Variants in CHLSN observed in about 807,000 individuals in gnomAD.
The protein encoded by CHLSN is cholesin.
the CHLSN span, among the ~76,000 whole-genome samples, chr7:1,110,812 TAAAA>T: frequency 1.5e-5 from 2 of 137,118 alleles, no homozygotes; most frequent in East Asian, 4.2e-4. Flanking sequence ...TAGAAGTGGT[TAAAA>T]AAAAAAAAGC....
chr7:1,133,392 C>CAAAAAA, the CHLSN span, among the ~76,000 whole-genome samples: 660 of 91,060 alleles, frequency 7.2e-3, 7 homozygotes, highest in African/African-American at 0.025. Context: ...CGATATACTG[C>CAAAAAA]AAAAAAAAAA....
At chr7:1,038,947 C>T in the CHLSN span, among the ~76,000 whole-genome samples, 850 of 70,250 alleles carry the variant, frequency 0.012, 119 homozygotes, top group African/African-American at 0.049. Context: ...TCTGCCCGGC[C>T]GCCCCTACTG....
At chr7:1,123,871 C>A in the CHLSN span, among the ~76,000 whole-genome samples, 1 of 146,836 alleles carries the variant, frequency 6.8e-6, no homozygotes, top group Non-Finnish European at 1.5e-5. The surrounding 1 kb of genome is among the most constrained non-coding windows in gnomAD (Gnocchi z 4.4). Context: ...GTGAACCGGG[C>A]TCCACCGAGA....
chr7:1,040,492 C>G, the CHLSN span, among the ~76,000 whole-genome samples: 2 of 152,004 alleles, frequency 1.3e-5, no homozygotes, highest in Non-Finnish European at 2.9e-5. Context: ...GAGACCCTGT[C>G]TCAAAAACAA....
chr7:1,116,265 G>T, the CHLSN span, among the ~76,000 whole-genome samples: 7 of 138,492 alleles, frequency 5.1e-5, 1 homozygote, highest in Non-Finnish European at 1.5e-5. Context: ...CTACGGACCG[G>T]CTTCCATCAC....
the CHLSN span, among the ~76,000 whole-genome samples, chr7:1,053,618 G>A: frequency 2.0e-3 from 310 of 152,250 alleles, 1 homozygote; most frequent in African/African-American, 7.0e-3. Context: ...ACCTGAGGTC[G>A]GGAGTTCGAG....
chr7:1,027,008 A>T, the CHLSN span: 3 of 152,230 alleles, frequency 2.0e-5, no homozygotes, highest in Non-Finnish European at 4.4e-5. Context: ...CCGGAGACAC[A>T]GCACCCGCCG....
At chr7:1,005,756 G>A in the CHLSN span, among the ~76,000 whole-genome samples, 5 of 152,232 alleles carry the variant, frequency 3.3e-5, no homozygotes, top group African/African-American at 4.8e-5. Context: ...GCTGCCCCAC[G>A]GCAGGAGTGA....
At chr7:1,037,710 G>A in the CHLSN span, among the ~76,000 whole-genome samples, 6 of 71,524 alleles carry the variant, frequency 8.4e-5, no homozygotes. Context: ...GCCGCCCATC[G>A]TCTGGGATGT....
chr7:991,941 T>C, the CHLSN span, among the ~76,000 whole-genome samples: 1 of 152,196 alleles, frequency 6.6e-6, no homozygotes, highest in South Asian at 2.1e-4. Flanking sequence ...GGATTTGTCC[T>C]GCTTTATCCA....
At chr7:1,052,241 C>T in the CHLSN span, among the ~76,000 whole-genome samples, 3 of 152,358 alleles carry the variant, frequency 2.0e-5, no homozygotes, top group African/African-American at 7.2e-5. The surrounding 1 kb of genome is among the most constrained non-coding windows in gnomAD (Gnocchi z 4.2). Flanking sequence ...CAGGCGCCTG[C>T]GTCGAGGCGT....
At chr7:983,189 G>A in the CHLSN span, 1 of 1,465,734 alleles carries the variant, frequency 6.8e-7, no homozygotes, top group Admixed American at 2.3e-5. Context: ...GGAGGGGAGT[G>A]GAGCCTCACC....
the CHLSN span, chr7:1,024,833 A>T: frequency 2.0e-5 from 3 of 152,024 alleles, no homozygotes; most frequent in Non-Finnish European, 4.4e-5. Flanking sequence ...CTTGATGCAC[A>T]CTCCACCATT....
At chr7:1,105,269 G>C in the CHLSN span, among the ~76,000 whole-genome samples, 1 of 152,194 alleles carries the variant, frequency 6.6e-6, no homozygotes, top group Non-Finnish European at 1.5e-5. Flanking sequence ...CATGCCCTTC[G>C]AACGCCAAGA....
chr7:1,052,897 A>G, the CHLSN span, among the ~76,000 whole-genome samples: 25,839 of 152,126 alleles, frequency 0.17, 2,349 homozygotes, highest in Middle Eastern at 0.27. The surrounding 1 kb of genome is among the most constrained non-coding windows in gnomAD (Gnocchi z 4.2). Flanking sequence ...CATCGCCGCC[A>G]CAACAAACTC....
the CHLSN span, among the ~76,000 whole-genome samples, chr7:1,068,212 AGT>A: frequency 6.6e-6 from 1 of 152,114 alleles, no homozygotes; most frequent in Non-Finnish European, 1.5e-5. Flanking sequence ...TCAGCGCTGC[AGT>A]GTGTCACATG....
At chr7:979,916 GGACA>G in the CHLSN span, among the ~76,000 whole-genome samples, 1 of 152,134 alleles carries the variant, frequency 6.6e-6, no homozygotes, top group Non-Finnish European at 1.5e-5. Context: ...CTGAGCCAAG[GGACA>G]GTTCCTTTTT....
the CHLSN span, among the ~76,000 whole-genome samples, chr7:979,533 T>C: frequency 3.9e-5 from 6 of 151,966 alleles, no homozygotes; most frequent in African/African-American, 7.3e-5. Flanking sequence ...GGGCGGATCA[T>C]CTGAGGTTAG....
chr7:1,019,375 C>T, the CHLSN span, among the ~76,000 whole-genome samples: 1 of 152,094 alleles, frequency 6.6e-6, no homozygotes, highest in Non-Finnish European at 1.5e-5. Context: ...AAAATCCTGC[C>T]CCCATGCCAG....
Sources: gnomAD v4.1 joint callset for allele counts (sites outside exome capture counted in the v4.1 genomes callset) on GRCh38, gnomAD v4.1.1 for gene constraint, Gnocchi (gnomAD v3.1) non-coding constraint, MANE v1.5 for transcripts, NCBI Gene and HGNC (gene_info 2026-07-23, HGNC 2026-07-21) for gene names.